Variants in UNC13A observed in about 807,000 individuals in gnomAD.
UNC13A encodes the protein unc-13 homolog A, also known as protein unc-13 homolog A.
A neutral mutation model predicts 219.7 loss-of-function variants in UNC13A; 61 were observed. The observed-to-expected ratio is 0.28, with a 90% confidence interval of 0.23 to 0.34. The LOEUF is 0.34. UNC13A is among the 10% of genes least tolerant of loss of function. The pLI is 1.00. For synonymous variants in UNC13A, 920 were observed against 884.6 expected, an observed-to-expected ratio of 1.04 and a Z score of -0.71; for missense variants, 1,476 against 2,270.3, an observed-to-expected ratio of 0.65 and a Z score of 7.11.
chr19:17,623,570 G>T, intron 35 of UNC13A, 23 bp from the exon 36 acceptor site: 2 of 1,311,842 alleles, frequency 1.5e-6, no homozygotes, highest in Non-Finnish European at 2.0e-6. Flanking sequence ...ATGGGGGCGG[G>T]GCGGTGGGGG....
chr19:17,633,796 A>G (rs2076882936), intron 26 of UNC13A, among the ~76,000 whole-genome samples: 1 of 145,418 alleles, frequency 6.9e-6, no homozygotes, highest in Non-Finnish European at 1.5e-5. Flanking sequence ...CATCCACTCA[A>G]CCACCCATCT....
At position 17,624,305 on chromosome 19, in the gene UNC13A, G is replaced by A. The variant is rs577826450; in HGVS notation, c.4197+524C>T. Among the ~76,000 whole-genome samples, 20 of 152,006 alleles carry A rather than the reference G, an allele frequency of 1.3e-4. 1 individual carries two copies. The highest frequency in any genetic ancestry group is 4.6e-4 in the African/African-American group (19 of 41,458). On this transcript the variant is annotated intron_variant, in intron 35 of 43. Coordinates refer to ENST00000519716, the MANE Select transcript of UNC13A (RefSeq NM_001080421.3). ...AGCTAATTTTTGTATTTTTAGTAGA[G>A]ACGAGATTTCACCATGTTGCCCAGG...
At chr19:17,620,007 T>A (rs1050750611) in intron 38 of UNC13A, among the ~76,000 whole-genome samples, 2 of 152,210 alleles carry the variant, frequency 1.3e-5, no homozygotes, top group Non-Finnish European at 2.9e-5. Context: ...TCGCTAATTA[T>A]CACTTGGTCT....
At chr19:17,684,974 C>T (rs1008192715) in intron 1 of UNC13A, among the ~76,000 whole-genome samples, 2 of 152,174 alleles carry the variant, frequency 1.3e-5, no homozygotes, top group Non-Finnish European at 2.9e-5. Context: ...TATCTGCATA[C>T]ATGTATGCAC....
chr19:17,623,567 CGGGGCGGTGGGGGA>C lies in UNC13A; in HGVS notation c.4198-34_4198-21del. ...GATCATCTGTCATCCGTGATGGGGG[CGGGGCGGTGGGGGA>C]GGGGGGAATAAGGTACCATGAGTCT... On this transcript the variant is annotated intron_variant, in intron 35 of 43. Transcript: ENST00000519716. The C allele has an allele frequency of 3.7e-5, 10 of 271,864 alleles. No homozygotes were observed. The highest frequency in any genetic ancestry group is 5.8e-5 in the Non-Finnish European group (9 of 156,098). 16.8% of individuals were successfully genotyped at this position (271,864 alleles called of 1,614,324 possible). A position where few individuals can be genotyped will look rare whatever the true frequency, so the allele number is the denominator to read the frequency against.
At chr19:17,650,587 C>T (rs1171986647) in intron 12 of UNC13A, among the ~76,000 whole-genome samples, 1 of 152,124 alleles carries the variant, frequency 6.6e-6, no homozygotes, top group East Asian at 1.9e-4. Flanking sequence ...AAGCAATTCT[C>T]CTGCCTCAGC....
intron 3 of UNC13A, among the ~76,000 whole-genome samples, chr19:17,673,359 A>G: frequency 7.0e-6 from 1 of 143,632 alleles, no homozygotes; most frequent in South Asian, 2.2e-4. Flanking sequence ...CTCAGTCTCA[A>G]AAAAAAAAAA....
intron 17 of UNC13A, 24 bp downstream of exon 17, chr19:17,647,241 C>G (rs1394677008): frequency 6.5e-7 from 1 of 1,545,138 alleles, no homozygotes; most frequent in Non-Finnish European, 8.7e-7. Flanking sequence ...AGGAGGGGCC[C>G]TATGGCGGCC....
intron 20 of UNC13A, 143 bp downstream of exon 20, chr19:17,642,702 G>C (rs1030299915): frequency 9.9e-6 from 7 of 707,916 alleles, no homozygotes; most frequent in Non-Finnish European, 1.6e-5. Context: ...ATAGGGAGGA[G>C]TTTTCCAGGT....
intron 19 of UNC13A, among the ~76,000 whole-genome samples, chr19:17,644,523 GTTTT>G (rs57314065): frequency 3.5e-4 from 35 of 99,158 alleles, no homozygotes; most frequent in Admixed American, 4.6e-4. Context: ...TTTTTCTTTT[GTTTT>G]TTTTTTTTTT....
At position 17,648,582 on chromosome 19, in the gene UNC13A, G is replaced by A. The variant is rs753673092; in HGVS notation, c.1665C>T (p.Asn555=). The stretch of plus-strand genomic sequence containing the variant: ...GCGTGGTGGCCGTCCACACTTCGAA[G>A]TTGTGTGGCGTCGTGCACGAGATGG... ...IYPISCTTPH[N]FEVWTATTPT... Residue 555 remains asparagine, a synonymous_variant, in exon 16 of 44, where the codon AAC becomes AAT. Transcript: ENST00000519716. The A allele has an allele frequency of 3.1e-6, 5 of 1,614,068 alleles. No individual in the cohort carries two copies. The East Asian group carries it at 6.7e-5, about 22-fold the overall frequency.
intron 25 of UNC13A, 67 bp downstream of exon 25, chr19:17,639,016 A>C: frequency 6.7e-7 from 1 of 1,488,374 alleles, no homozygotes; most frequent in Non-Finnish European, 9.0e-7. Flanking sequence ...GGGAAGGGGC[A>C]GGGCTGGGAC....
At chr19:17,632,254 A>C (rs1428217422) in intron 28 of UNC13A, among the ~76,000 whole-genome samples, 1 of 152,170 alleles carries the variant, frequency 6.6e-6, no homozygotes, top group East Asian at 1.9e-4. Context: ...CCTATTGGCT[A>C]TGCTGGTCTC....
rs749905153 is a variant in UNC13A, at chr19:17,609,933, A to T, written c.4811+7T>A. 1 of 1,612,956 alleles carries T rather than the reference A, an allele frequency of 6.2e-7. No individual in the cohort carries two copies. Among genetic ancestry groups the T allele is most frequent in the South Asian group, 1.1e-5 (1 of 91,030 alleles). On this transcript the variant is annotated splice_region_variant and intron_variant, in intron 43 of 43. Transcript: ENST00000519716. ...CCCCCATGCTCTTCAAAGCATCCCA[A>T]ACTCACAACTGGAAGCTCTCATTGT...
chr19:17,673,175 T>A (rs1373274014), intron 3 of UNC13A, among the ~76,000 whole-genome samples: 1 of 151,084 alleles, frequency 6.6e-6, no homozygotes, highest in Non-Finnish European at 1.5e-5. Flanking sequence ...CTGACCAACA[T>A]GGAGAAACCC....
rs752014668 is a variant in UNC13A at position 17,645,819 on chromosome 19, G to A, written c.2211C>T (p.Arg737=). 1 of 1,611,712 alleles carries A rather than the reference G, an allele frequency of 6.2e-7. No homozygotes were observed. Among genetic ancestry groups the A allele is most frequent in the South Asian group, 1.1e-5 (1 of 90,632 alleles). The change falls in exon 19 of 44, where the codon CGC becomes CGT. Residue 737 remains arginine (R), a synonymous_variant. Coordinates refer to ENST00000519716, the MANE Select transcript of UNC13A (RefSeq NM_001080421.3). The stretch of plus-strand genomic sequence containing the variant: ...CCTCGTCCCAGACGCGCACCTTGAT[G>A]CGGTCGGAGGAATTGTGACATTCAC... ...FHFECHNSSD[R]IKVRVWDEDD...
intron 3 of UNC13A, among the ~76,000 whole-genome samples, chr19:17,673,402 T>G (rs1313911869): frequency 2.0e-5 from 3 of 149,494 alleles, no homozygotes; most frequent in African/African-American, 7.4e-5. Flanking sequence ...TATATATCTG[T>G]TGGCTGGGAT....
chr19:17,607,437 G>T (rs1363213337), intron 43 of UNC13A, among the ~76,000 whole-genome samples: 2 of 74,742 alleles, frequency 2.7e-5, no homozygotes, highest in African/African-American at 5.7e-5. Context: ...GATTTTTTGT[G>T]TTTTTAGTAC....
intron 1 of UNC13A, among the ~76,000 whole-genome samples, chr19:17,679,971 A>G (rs2079975399): frequency 6.6e-6 from 1 of 151,902 alleles, no homozygotes; most frequent in African/African-American, 2.4e-5. Context: ...TCCTGCACTT[A>G]GCTCCCTGCC....
Sources: gnomAD v4.1 joint callset for allele counts (sites outside exome capture counted in the v4.1 genomes callset) on GRCh38, gnomAD v4.1.1 for gene constraint, MANE v1.5 for transcripts, NCBI Gene and HGNC (gene_info 2026-07-23, HGNC 2026-07-21) for gene names.